Variants in DCDC2 observed in about 807,000 individuals in gnomAD.
DCDC2 encodes doublecortin domain containing 2, also known as doublecortin domain-containing protein 2.
In DCDC2, 40 loss-of-function variants were observed where a neutral mutation model predicts 50.2. That is an observed-to-expected ratio of 0.80 (90% CI 0.62 to 1.04). The LOEUF (loss-of-function observed/expected upper bound fraction) is 1.04, where lower values mean the gene tolerates loss of function less well. Among genes scored for constraint, DCDC2 ranks in the 50% least tolerant of loss-of-function variants. The pLI, the probability that DCDC2 is intolerant of heterozygous loss-of-function variation, is 0.00. For synonymous variants in DCDC2, 234 were observed against 210.6 expected (o/e 1.11, Z -0.96); for missense variants, 570 against 581.9 (o/e 0.98, Z 0.21).
At chr6:24,359,382 A>ATG (rs1252861998), upstream of DCDC2, among the ~76,000 whole-genome samples, 1 of 73,920 alleles carries the variant, frequency 1.4e-5, no homozygotes, top group Non-Finnish European at 2.3e-5. Context: ...TATATATTTT[A>ATG]TATATTATAT....
chr6:24,210,781 A>T (rs775798793), intron 7 of DCDC2, among the ~76,000 whole-genome samples: 1 of 152,226 alleles, frequency 6.6e-6, no homozygotes, highest in Admixed American at 6.5e-5. Flanking sequence ...GTTCCATCAC[A>T]TATACAATCC....
chr6:24,252,664 T>A (rs1762817179), intron 7 of DCDC2, among the ~76,000 whole-genome samples: 1 of 152,168 alleles, frequency 6.6e-6, no homozygotes, highest in Non-Finnish European at 1.5e-5. Flanking sequence ...CCTAGAGCCA[T>A]CTCAAAGCCA....
intron 6 of DCDC2, among the ~76,000 whole-genome samples, chr6:24,280,451 C>T (rs1377404862): frequency 1.3e-5 from 2 of 150,418 alleles, no homozygotes; most frequent in East Asian, 2.0e-4. Flanking sequence ...AAGAAATATA[C>T]GATTATAGCA....
At chr6:24,323,923 AT>A (rs1759814179) in intron 2 of DCDC2, among the ~76,000 whole-genome samples, 1 of 152,238 alleles carries the variant, frequency 6.6e-6, no homozygotes, top group Non-Finnish European at 1.5e-5. Context: ...ATTATTTATC[AT>A]ACCACTAAAA....
At chr6:24,383,171 A>G in the DCDC2 span, among the ~76,000 whole-genome samples, 2 of 152,254 alleles carry the variant, frequency 1.3e-5, no homozygotes, top group East Asian at 3.9e-4. Flanking sequence ...TACTGAAAAT[A>G]CAAAATTACC....
intron 7 of DCDC2, among the ~76,000 whole-genome samples, chr6:24,266,561 T>C (rs181602377): frequency 2.2e-4 from 33 of 152,198 alleles, no homozygotes; most frequent in African/African-American, 7.7e-4. Context: ...AAAAAGTATA[T>C]AAAAAGATGC....
chr6:24,338,721 T>C (rs1760101595), intron 2 of DCDC2, among the ~76,000 whole-genome samples: 1 of 152,204 alleles, frequency 6.6e-6, no homozygotes, highest in African/African-American at 2.4e-5. Flanking sequence ...CCCAGCTCAC[T>C]GCAAACCTCT....
At chr6:24,362,198 A>G (rs1760675347), upstream of DCDC2, among the ~76,000 whole-genome samples, 1 of 151,116 alleles carries the variant, frequency 6.6e-6, no homozygotes, top group Non-Finnish European at 1.5e-5. Flanking sequence ...GTATATTTAT[A>G]CAATTATTTT....
intron 4 of DCDC2, among the ~76,000 whole-genome samples, chr6:24,300,678 G>T (rs866291736): frequency 6.6e-6 from 1 of 152,290 alleles, no homozygotes; most frequent in Middle Eastern, 3.4e-3. Context: ...AATCATTTGA[G>T]AACTATTTTA....
At chr6:24,359,132 TTTATATATA>T (rs1561788990), upstream of DCDC2, among the ~76,000 whole-genome samples, 2 of 65,850 alleles carry the variant, frequency 3.0e-5, no homozygotes, top group African/African-American at 7.4e-5. Context: ...TATTATATAT[TTTATATATA>T]TTATATATTT....
At chr6:24,228,031 T>G (rs1762267720) in intron 7 of DCDC2, among the ~76,000 whole-genome samples, 1 of 152,252 alleles carries the variant, frequency 6.6e-6, no homozygotes, top group South Asian at 2.1e-4. Flanking sequence ...TACTCTTGTT[T>G]TAATTCATAG....
chr6:24,216,807 C>A (rs1761992478), intron 7 of DCDC2, among the ~76,000 whole-genome samples: 1 of 152,254 alleles, frequency 6.6e-6, no homozygotes, highest in Non-Finnish European at 1.5e-5. Flanking sequence ...CGATAGAGAT[C>A]ATCTTCATTT....
chr6:24,326,158 G>A (rs1019445711), intron 2 of DCDC2, among the ~76,000 whole-genome samples: 2 of 106,096 alleles, frequency 1.9e-5, no homozygotes, highest in African/African-American at 3.1e-5. Flanking sequence ...GAAGGAAAGA[G>A]AGGAAGGAAA....
At chr6:24,188,959 A>G (rs58980028) in intron 8 of DCDC2, among the ~76,000 whole-genome samples, 5,741 of 152,236 alleles carry the variant, frequency 0.038, 363 homozygotes, top group African/African-American at 0.13. Context: ...GTACGATTAC[A>G]GACAATATGT....
At chr6:24,192,062 G>A (rs573938063) in intron 8 of DCDC2, among the ~76,000 whole-genome samples, 1 of 152,266 alleles carries the variant, frequency 6.6e-6, no homozygotes, top group African/African-American at 2.4e-5. Flanking sequence ...TTTAAAAGAA[G>A]CAAATAGATC....
At chr6:24,321,893 C>T (rs912044809) in intron 2 of DCDC2, among the ~76,000 whole-genome samples, 1 of 152,168 alleles carries the variant, frequency 6.6e-6, no homozygotes, top group African/African-American at 2.4e-5. Flanking sequence ...TTACGTGTGA[C>T]AAATGATGCT....
intron 8 of DCDC2, among the ~76,000 whole-genome samples, chr6:24,188,448 A>T (rs1176882789): frequency 6.6e-6 from 1 of 152,212 alleles, no homozygotes; most frequent in Non-Finnish European, 1.5e-5. Flanking sequence ...GTTCTACAAG[A>T]TTTATTCTAA....
chr6:24,236,063 C>A (rs1170170060), intron 7 of DCDC2, among the ~76,000 whole-genome samples: 2 of 152,028 alleles, frequency 1.3e-5, no homozygotes, highest in Non-Finnish European at 2.9e-5. Context: ...TGTCTGACAT[C>A]ATTTTTCATA....
intron 2 of DCDC2, among the ~76,000 whole-genome samples, chr6:24,329,625 T>A (rs1477586790): frequency 6.6e-6 from 1 of 152,198 alleles, no homozygotes; most frequent in Non-Finnish European, 1.5e-5. Flanking sequence ...AGAACCAAGC[T>A]ACCCATTGCC....
Sources: gnomAD v4.1 joint callset for allele counts (sites outside exome capture counted in the v4.1 genomes callset) on GRCh38, gnomAD v4.1.1 for gene constraint, MANE v1.5 for transcripts, NCBI Gene and HGNC (gene_info 2026-07-23, HGNC 2026-07-21) for gene names.